Variants in PRKCA observed in about 807,000 individuals in gnomAD.
The protein encoded by PRKCA is protein kinase C alpha type.
In PRKCA, 27 loss-of-function variants were observed where a neutral mutation model predicts 87.0. That is an observed-to-expected ratio of 0.31 (90% CI 0.23 to 0.43). The LOEUF (loss-of-function observed/expected upper bound fraction) is 0.43. PRKCA is among the 20% of genes least tolerant of loss of function. PRKCA has a pLI of 1.00. For missense variants in PRKCA, 518 were observed against 852.3 expected, an observed-to-expected ratio of 0.61 and a Z score of 4.88; for synonymous variants, 329 against 311.1, an observed-to-expected ratio of 1.06 and a Z score of -0.61.
intron 5 of PRKCA, among the ~76,000 whole-genome samples, chr17:66,662,238 C>T (rs1389868823): frequency 1.3e-5 from 2 of 152,172 alleles, no homozygotes; most frequent in East Asian, 1.9e-4. Flanking sequence ...CTCTCTCTTC[C>T]GTCCAAACGA....
At chr17:66,383,191 T>A (rs1909866429) in intron 2 of PRKCA, among the ~76,000 whole-genome samples, 2 of 152,218 alleles carry the variant, frequency 1.3e-5, no homozygotes. Context: ...TTCTTTTTCT[T>A]TTAATTTCTA....
chr17:66,386,422 C>A (rs1910063137), intron 2 of PRKCA, among the ~76,000 whole-genome samples: 1 of 152,218 alleles, frequency 6.6e-6, no homozygotes, highest in African/African-American at 2.4e-5. Flanking sequence ...GGATTTGAAT[C>A]TTGGCTCCAG....
At chr17:66,527,856 G>C (rs1164489444) in intron 3 of PRKCA, among the ~76,000 whole-genome samples, 1 of 152,080 alleles carries the variant, frequency 6.6e-6, no homozygotes, top group South Asian at 2.1e-4. Context: ...CAATAATCTT[G>C]GTGACTGTAT....
intron 13 of PRKCA, among the ~76,000 whole-genome samples, chr17:66,762,586 T>G (rs928779855): frequency 6.6e-6 from 1 of 152,178 alleles, no homozygotes. Flanking sequence ...GATTGAGAGC[T>G]GGGGGTGTTT....
intron 2 of PRKCA, among the ~76,000 whole-genome samples, chr17:66,493,124 A>G (rs949119603): frequency 2.0e-4 from 30 of 152,218 alleles, no homozygotes; most frequent in African/African-American, 6.5e-4. Context: ...TTACAGTGAC[A>G]TGGTATCATG....
At chr17:66,481,076 A>G (rs903961566) in intron 2 of PRKCA, among the ~76,000 whole-genome samples, 2 of 151,732 alleles carry the variant, frequency 1.3e-5, no homozygotes, top group African/African-American at 4.8e-5. Context: ...GTCCTTTTTC[A>G]TTCTCAGCAC....
intron 2 of PRKCA, among the ~76,000 whole-genome samples, chr17:66,365,927 A>T (rs542967634): frequency 2.0e-5 from 3 of 152,334 alleles, no homozygotes; most frequent in Non-Finnish European, 2.9e-5. Flanking sequence ...CTATGCAGAA[A>T]ACATTTCAAA....
At chr17:66,625,707 A>G (rs1970835941) in intron 3 of PRKCA, among the ~76,000 whole-genome samples, 1 of 152,188 alleles carries the variant, frequency 6.6e-6, no homozygotes, top group African/African-American at 2.4e-5. Flanking sequence ...TTATCCTCAT[A>G]CCAGAAGAAG....
rs1231484351 is a variant in PRKCA at position 66,530,314 on chromosome 17, A to G, written c.288+34031A>G. 2.0e-5 allele frequency among the ~76,000 whole-genome samples: 3 copies of G among 152,202 alleles called. No homozygotes were observed. The East Asian group carries it at 5.8e-4, about 29-fold the overall frequency. On this transcript the variant is annotated intron_variant, in intron 3 of 16. Transcript: ENST00000413366. ...AGACCCTGAAACACCAAGACTCATT[A>G]ATATATGCATACATGGATGGCAGAA...
intron 5 of PRKCA, among the ~76,000 whole-genome samples, chr17:66,668,829 AC>A (rs2143939183): frequency 6.6e-6 from 1 of 152,340 alleles, no homozygotes; most frequent in Admixed American, 6.5e-5. Flanking sequence ...GAGGCTGGGC[AC>A]AGTGGCTTAC....
chr17:66,726,365 A>T (rs1413223557), intron 8 of PRKCA, among the ~76,000 whole-genome samples: 4 of 152,184 alleles, frequency 2.6e-5, no homozygotes, highest in Non-Finnish European at 5.9e-5. Context: ...AAAAGGAGGC[A>T]CTTGAGTTGG....
chr17:66,650,300 G>A (rs1373688808), intron 5 of PRKCA, among the ~76,000 whole-genome samples: 1 of 152,054 alleles, frequency 6.6e-6, no homozygotes, highest in Admixed American at 6.5e-5. Flanking sequence ...CTTTGGTGGT[G>A]TATTTTTATT....
At chr17:66,393,218 G>T (rs1407659204) in intron 2 of PRKCA, among the ~76,000 whole-genome samples, 1 of 152,108 alleles carries the variant, frequency 6.6e-6, no homozygotes, top group Non-Finnish European at 1.5e-5. Flanking sequence ...GTCTAGTAAG[G>T]TTAACCACTC....
intron 2 of PRKCA, among the ~76,000 whole-genome samples, chr17:66,446,401 A>G (rs1158236029): frequency 6.6e-6 from 1 of 152,084 alleles, no homozygotes; most frequent in African/African-American, 2.4e-5. Context: ...GATGGAAACA[A>G]TTTTCTTCTT....
intron 2 of PRKCA, among the ~76,000 whole-genome samples, chr17:66,492,045 C>T (rs1014760599): frequency 1.3e-5 from 2 of 152,210 alleles, no homozygotes; most frequent in Non-Finnish European, 2.9e-5. Context: ...GTTTCTTCTT[C>T]CTTTGGAGAT....
At chr17:66,640,977 A>G (rs1201286639) in intron 3 of PRKCA, 5 of 331,340 alleles carry the variant, frequency 1.5e-5, no homozygotes, top group Admixed American at 8.3e-5. Context: ...CCTGGCCAAC[A>G]TGGTGAAACC....
intron 13 of PRKCA, among the ~76,000 whole-genome samples, chr17:66,746,655 G>A (rs1373773147): frequency 2.0e-5 from 3 of 152,106 alleles, no homozygotes; most frequent in Admixed American, 6.6e-5. Context: ...CTTAGGCAGC[G>A]AAGCCGAGCT....
At position 66,302,706 on chromosome 17, in the gene PRKCA, C is replaced by T. The variant is rs911617188; in HGVS notation, c.-146C>T. The T allele has an allele frequency of 5.6e-6, 2 of 359,184 alleles. No individual in the cohort carries two copies. The highest frequency in any genetic ancestry group is 7.7e-6 in the Non-Finnish European group (2 of 258,500). The allele number at this position is 359,184 out of a possible 1,614,324, so 22.2% of individuals were successfully genotyped here. Reference sequence around the variant, plus strand: ...GCCCGACTCTCCCCGGCCCCCGCCGCGCCCCCTCGCCGCGACCTCGGCCAC... The same window carrying T: ...GCCCGACTCTCCCCGGCCCCCGCCGTGCCCCCTCGCCGCGACCTCGGCCAC... On this transcript the variant is annotated 5_prime_UTR_variant, in exon 1 of 17. Coordinates refer to ENST00000413366, the MANE Select transcript of PRKCA (RefSeq NM_002737.3).
At chr17:66,411,028 C>T (rs1911765367) in intron 2 of PRKCA, among the ~76,000 whole-genome samples, 1 of 152,094 alleles carries the variant, frequency 6.6e-6, no homozygotes, top group Non-Finnish European at 1.5e-5. Flanking sequence ...TAGTATTTTC[C>T]ATGTTTGATA....
Sources: allele counts gnomAD v4.1 joint callset (sites outside exome capture counted in the v4.1 genomes callset), GRCh38; gene constraint gnomAD v4.1.1; transcripts MANE v1.5; gene names NCBI Gene and HGNC (gene_info 2026-07-23, HGNC 2026-07-21).